NCOA1: variants seen among roughly 807,000 people sequenced by gnomAD.
The protein encoded by NCOA1 is nuclear receptor coactivator 1.
A neutral mutation model predicts 150.9 loss-of-function variants in NCOA1; 35 were observed. The observed-to-expected ratio is 0.23, with a 90% CI of 0.18 to 0.31. NCOA1 has a LOEUF of 0.31. NCOA1 is among the 10% of genes least tolerant of loss of function. The pLI, the probability that NCOA1 is intolerant of heterozygous loss-of-function variation, is 1.00. For missense variants in NCOA1, 1,491 were observed against 1,749.3 expected (o/e 0.85, Z 2.63); for synonymous variants, 590 against 630.0 (o/e 0.94, Z 0.95).
intron 3 of NCOA1, among the ~76,000 whole-genome samples, chr2:24,631,424 A>T (rs1253295107): frequency 1.3e-5 from 2 of 152,158 alleles, no homozygotes; most frequent in Non-Finnish European, 2.9e-5. Flanking sequence ...ATAATATGTA[A>T]ATCATTGGTA....
intron 19 of NCOA1, among the ~76,000 whole-genome samples, chr2:24,751,312 G>A (rs1048456668): frequency 6.6e-6 from 1 of 151,052 alleles, no homozygotes; most frequent in African/African-American, 2.4e-5. Context: ...GCCGGGCGCG[G>A]TGGCTCACAC....
chr2:24,622,180 GT>G (rs1237161927), intron 3 of NCOA1, among the ~76,000 whole-genome samples: 4 of 151,944 alleles, frequency 2.6e-5, no homozygotes, highest in South Asian at 2.1e-4. Flanking sequence ...AAGAACTGTT[GT>G]TTTTTTTCCC....
intron 14 of NCOA1, among the ~76,000 whole-genome samples, chr2:24,712,413 A>G (rs2148606857): frequency 6.6e-6 from 1 of 152,318 alleles, no homozygotes; most frequent in African/African-American, 2.4e-5. Context: ...GGGACATTGA[A>G]TGGGCGGAAA....
intron 3 of NCOA1, among the ~76,000 whole-genome samples, chr2:24,634,603 A>G (rs1156475119): frequency 2.0e-5 from 3 of 152,026 alleles, no homozygotes; most frequent in African/African-American, 7.2e-5. Flanking sequence ...GAGACAATTT[A>G]AAACTAGGAA....
chr2:24,726,493 A>G, intron 14 of NCOA1, 96 bp from the exon 15 acceptor site: 1 of 649,424 alleles, frequency 1.5e-6, no homozygotes, highest in Non-Finnish European at 2.6e-6. Flanking sequence ...AATATTTTAA[A>G]GGAGAAATCT....
chr2:24,764,768 G>A (rs542477922), intron 22 of NCOA1, among the ~76,000 whole-genome samples: 1 of 152,344 alleles, frequency 6.6e-6, no homozygotes, highest in African/African-American at 2.4e-5. Flanking sequence ...ATCGATAGAA[G>A]TGCTAGTTTA....
chr2:24,650,142 A>G (rs1670649014), intron 4 of NCOA1, among the ~76,000 whole-genome samples: 2 of 152,168 alleles, frequency 1.3e-5, no homozygotes, highest in Admixed American at 1.3e-4. Flanking sequence ...TTTATGGTAG[A>G]AGCTTAGGGG....
chr2:24,763,497 G>A (rs1381052499), intron 22 of NCOA1, among the ~76,000 whole-genome samples: 1 of 132,436 alleles, frequency 7.6e-6, no homozygotes, highest in African/African-American at 2.9e-5. Flanking sequence ...CCGAGATCAC[G>A]CCACTGCATT....
chr2:24,612,387 A>G (rs781192045), intron 3 of NCOA1, among the ~76,000 whole-genome samples: 3 of 152,164 alleles, frequency 2.0e-5, no homozygotes, highest in Non-Finnish European at 2.9e-5. Flanking sequence ...TGTTTTGTGT[A>G]GTATCTCACA....
rs1424812510 is a variant in NCOA1 at position 24,707,416 on chromosome 2, A to G, written c.1946A>G (p.Asp649Gly). ...TTAEQQLRHA[D>G]IDTSCKDVLS... ...GCCGAACAGCAGTTACGGCATGCTG[A>G]TATAGACACAAGCTGCAAAGATGTC... The change falls in exon 13 of 23, where the codon GAT (aspartate) becomes GGT (glycine). Residue 649 changes from aspartate (D) to glycine (G), a missense_variant. By Grantham distance (94) the Asp-to-Gly change is moderately conservative. Coordinates refer to ENST00000348332, the MANE Select transcript of NCOA1 (RefSeq NM_003743.5). 1 of 1,614,226 alleles carries G rather than the reference A, an allele frequency of 6.2e-7. No individual in the cohort carries two copies. The highest frequency in any genetic ancestry group is 1.7e-5 in the Admixed American group (1 of 60,032).
intron 5 of NCOA1, among the ~76,000 whole-genome samples, chr2:24,661,795 G>T (rs1228726155): frequency 1.3e-5 from 2 of 152,134 alleles, no homozygotes; most frequent in Non-Finnish European, 2.9e-5. Context: ...GCCTTGATAT[G>T]TGATGAAACA....
At chr2:24,666,081 G>A (rs1369006861) in intron 6 of NCOA1, among the ~76,000 whole-genome samples, 166 bp downstream of exon 6, 1 of 150,520 alleles carries the variant, frequency 6.6e-6, no homozygotes, top group South Asian at 2.1e-4. Context: ...GTGCGATCTC[G>A]GCTCACTGCA....
intron 7 of NCOA1, among the ~76,000 whole-genome samples, chr2:24,680,108 T>G (rs1672096869): frequency 1.3e-5 from 2 of 152,216 alleles, no homozygotes; most frequent in African/African-American, 4.8e-5. Context: ...AATGCTGCAG[T>G]GAACATGGGA....
intron 19 of NCOA1, 82 bp downstream of exon 19, chr2:24,742,268 C>T: frequency 6.8e-7 from 1 of 1,461,576 alleles, no homozygotes; most frequent in Non-Finnish European, 9.2e-7. Context: ...TGTGCTTGGA[C>T]ATTAAAATAG....
chr2:24,770,219 A>G lies in NCOA1; in HGVS notation c.*1828A>G, dbSNP rs1047416584. ...GCTTGAAAGCCAGCCATATTACTCT[A>G]GTCCCTACCAAACTGCTCTAGAAGG... is the stretch of plus-strand genomic sequence containing the variant. On this transcript the variant is annotated 3_prime_UTR_variant, in exon 23 of 23. Transcript: ENST00000348332. 2 of 231,244 alleles carry G rather than the reference A, an allele frequency of 8.6e-6. No homozygotes were observed. The highest frequency in any genetic ancestry group is 1.7e-5 in the Non-Finnish European group (2 of 116,598). The allele number at this position is 231,244 out of a possible 1,614,324, so 14.3% of individuals were successfully genotyped here.
At chr2:24,683,181 T>A in intron 8 of NCOA1, 53 bp downstream of exon 8, 5 of 1,103,144 alleles carry the variant, frequency 4.5e-6, no homozygotes, top group Non-Finnish European at 6.3e-6. Flanking sequence ...ATCTTCTCCT[T>A]ATATAATATG....
intron 13 of NCOA1, among the ~76,000 whole-genome samples, chr2:24,708,453 A>G (rs777975833): frequency 5.3e-5 from 8 of 152,210 alleles, no homozygotes; most frequent in Non-Finnish European, 1.2e-4. Context: ...GACCTGAAAC[A>G]GACGTAAATA....
chr2:24,581,806 T>C (rs1446051161), intron 2 of NCOA1, among the ~76,000 whole-genome samples: 5 of 152,066 alleles, frequency 3.3e-5, no homozygotes, highest in Admixed American at 2.0e-4. Flanking sequence ...GTTCAACATA[T>C]GCAAATCAAT....
intron 3 of NCOA1, among the ~76,000 whole-genome samples, chr2:24,591,554 G>A (rs1572459986): frequency 6.6e-6 from 1 of 152,080 alleles, no homozygotes; most frequent in East Asian, 1.9e-4. Context: ...GTAGCTTGTG[G>A]ATGTGAGAGT....
Sources: gnomAD v4.1 joint callset for allele counts (sites outside exome capture counted in the v4.1 genomes callset) on GRCh38, gnomAD v4.1.1 for gene constraint, MANE v1.5 for transcripts, NCBI Gene and HGNC (gene_info 2026-07-23, HGNC 2026-07-21) for gene names.